PHACTR3: variants seen among roughly 807,000 people sequenced by gnomAD.
The protein encoded by PHACTR3 is protein phosphatase 1, regulatory subunit 123.
In PHACTR3, 16 loss-of-function variants were observed where a neutral mutation model predicts 66.8. The ratio of observed to expected loss-of-function variants is 0.24; its 90% CI spans 0.16 to 0.36. The LOEUF (loss-of-function observed/expected upper bound fraction) is 0.36. PHACTR3 is among the 10% of genes least tolerant of loss of function. The pLI, the probability that PHACTR3 is intolerant of heterozygous loss-of-function variation, is 1.00. For synonymous variants in PHACTR3, 323 were observed against 292.1 expected (o/e 1.11, Z -1.08); for missense variants, 647 against 719.9 (o/e 0.90, Z 1.16).
intron 1 of PHACTR3, among the ~76,000 whole-genome samples, chr20:59,710,485 G>A (rs1409201248): frequency 3.9e-5 from 6 of 152,190 alleles, no homozygotes; most frequent in African/African-American, 1.2e-4. Context: ...GACCACAGCA[G>A]CGAGTTCACT....
chr20:59,577,706 T>G, intron 1 of PHACTR3: 1 of 901,628 alleles, frequency 1.1e-6, no homozygotes, highest in Non-Finnish European at 1.4e-6. Context: ...TCCTCCTGAA[T>G]CCCTTGCCCT....
intron 8 of PHACTR3, among the ~76,000 whole-genome samples, chr20:59,826,873 C>G (rs1373031673): frequency 1.3e-5 from 2 of 152,202 alleles, no homozygotes; most frequent in Non-Finnish European, 2.9e-5. Flanking sequence ...TCTGCGTTAC[C>G]TTGACTGTGA....
intron 1 of PHACTR3, among the ~76,000 whole-genome samples, chr20:59,715,384 C>T (rs1463274078): frequency 2.0e-5 from 3 of 152,106 alleles, no homozygotes; most frequent in Non-Finnish European, 4.4e-5. Flanking sequence ...GGAAGTGATC[C>T]TATAACTTTT....
intron 8 of PHACTR3, among the ~76,000 whole-genome samples, chr20:59,814,408 A>G (rs1284291431): frequency 6.6e-6 from 1 of 152,170 alleles, no homozygotes; most frequent in Non-Finnish European, 1.5e-5. Flanking sequence ...GAAGGCAGGC[A>G]GACACAGGGG....
chr20:59,602,873 C>A (rs2033519921), upstream of PHACTR3, among the ~76,000 whole-genome samples: 1 of 152,220 alleles, frequency 6.6e-6, no homozygotes, highest in Non-Finnish European at 1.5e-5. Flanking sequence ...TGAAGACCCA[C>A]TTGGAGAGAC....
chr20:59,740,948 G>A (rs915158079), intron 1 of PHACTR3, among the ~76,000 whole-genome samples: 6 of 152,230 alleles, frequency 3.9e-5, no homozygotes, highest in Non-Finnish European at 7.3e-5. Context: ...CCAGTGGCAT[G>A]CATGGGTGCC....
Position 59,829,451 on chromosome 20 carries a change from G to T in PHACTR3, c.1329-7054G>T, listed in dbSNP as rs2042284403. Among the ~76,000 whole-genome samples the T allele has an allele frequency of 6.6e-6, 1 of 152,176 alleles. No homozygotes were observed. Among genetic ancestry groups the T allele is most frequent in the Admixed American group, 6.5e-5 (1 of 15,288 alleles). On this transcript the variant is annotated intron_variant, in intron 8 of 12. Transcript: ENST00000371015. The surrounding 1 kb of genome is among the most constrained non-coding windows in gnomAD (Gnocchi z 4.2). ...ACTTCTCTCCAGACACACCCACATT[G>T]CTCTGACGCTCTGAGACATAGGGTC...
chr20:59,646,219 G>T (rs1000772383), intron 1 of PHACTR3, among the ~76,000 whole-genome samples: 1 of 152,310 alleles, frequency 6.6e-6, no homozygotes, highest in South Asian at 2.1e-4. Flanking sequence ...CTGGGGCCCT[G>T]GGTAAATGTC....
chr20:59,634,681 G>A (rs900846951), intron 1 of PHACTR3, among the ~76,000 whole-genome samples: 2 of 152,150 alleles, frequency 1.3e-5, no homozygotes, highest in Non-Finnish European at 2.9e-5. Flanking sequence ...AGCCTCCTGT[G>A]CTTTTATCTT....
intron 2 of PHACTR3, among the ~76,000 whole-genome samples, chr20:59,745,641 A>G (rs1254984061): frequency 1.3e-5 from 2 of 152,228 alleles, no homozygotes; most frequent in Non-Finnish European, 2.9e-5. Flanking sequence ...GTGAATGCAA[A>G]GATGATTGAA....
chr20:59,758,520 G>A (rs561038330), intron 4 of PHACTR3, among the ~76,000 whole-genome samples: 1 of 152,176 alleles, frequency 6.6e-6, no homozygotes, highest in South Asian at 2.1e-4. Context: ...GATGCAGCTG[G>A]CTTATTAGCA....
At position 59,700,743 on chromosome 20, in the gene PHACTR3, C is replaced by T. The variant is rs145445936; in HGVS notation, c.119-42364C>T. Among the ~76,000 whole-genome samples the T allele has an allele frequency of 3.3e-3, 500 of 152,242 alleles. 6 individuals carry two copies. Among genetic ancestry groups the T allele is most frequent in the Admixed American group, 8.3e-3 (127 of 15,288 alleles). Reference sequence around the variant, plus strand: ...TGAGTGATGAGTGCATGGTAGTTCACGTTTCCATGCTCTGTACTTTTGTAG... The same window carrying T: ...TGAGTGATGAGTGCATGGTAGTTCATGTTTCCATGCTCTGTACTTTTGTAG... On this transcript the variant is annotated intron_variant, in intron 1 of 12. Transcript: ENST00000371015.
chr20:59,803,933 C>G (rs752720272), intron 7 of PHACTR3, among the ~76,000 whole-genome samples: 24 of 152,142 alleles, frequency 1.6e-4, no homozygotes, highest in Non-Finnish European at 2.9e-4. Flanking sequence ...GAAAGCTCTC[C>G]GTCCGTCCCT....
intron 1 of PHACTR3, among the ~76,000 whole-genome samples, chr20:59,722,901 T>C (rs2038376361): frequency 6.6e-6 from 1 of 152,036 alleles, no homozygotes; most frequent in Admixed American, 6.5e-5. Flanking sequence ...TCCCACGTGC[T>C]ATCAGATGGA....
At chr20:59,699,620 A>G (rs2037422587) in intron 1 of PHACTR3, among the ~76,000 whole-genome samples, 1 of 152,204 alleles carries the variant, frequency 6.6e-6, no homozygotes. Flanking sequence ...GAAAAGGTGC[A>G]CACTGCCATC....
At chr20:59,709,031 TC>T (rs2146638663) in intron 1 of PHACTR3, among the ~76,000 whole-genome samples, 1 of 152,316 alleles carries the variant, frequency 6.6e-6, no homozygotes, top group African/African-American at 2.4e-5. Flanking sequence ...TTTTTGGTTA[TC>T]CTTGCTGGCG....
chr20:59,624,124 C>G (rs1457722469), intron 1 of PHACTR3, among the ~76,000 whole-genome samples: 2 of 152,104 alleles, frequency 1.3e-5, no homozygotes, highest in African/African-American at 4.8e-5. Context: ...TAGAGGGTGG[C>G]TTTCTTCGAT....
intron 1 of PHACTR3, among the ~76,000 whole-genome samples, chr20:59,582,693 G>C (rs1191307677): frequency 6.6e-6 from 1 of 152,070 alleles, no homozygotes; most frequent in East Asian, 1.9e-4. Flanking sequence ...TATGTGACTT[G>C]GCCATTTGGA....
At position 59,802,491 on chromosome 20, in the gene PHACTR3, G is replaced by A. The variant is rs1467849606; in HGVS notation, c.1175-3550G>A. Among the ~76,000 whole-genome samples the A allele has an allele frequency of 2.0e-5, 3 of 152,204 alleles. No individual in the cohort carries two copies. The East Asian group carries it at 5.8e-4, about 29-fold the overall frequency. Reference sequence around the variant, plus strand: ...TGACCGATGGTGTCCATGCTTCTGTGTGCTTGAGTACAGAGTCTGGGATTC... The same window carrying A: ...TGACCGATGGTGTCCATGCTTCTGTATGCTTGAGTACAGAGTCTGGGATTC... On this transcript the variant is annotated intron_variant, in intron 7 of 12. Transcript: ENST00000371015.
Sources: allele counts gnomAD v4.1 joint callset (sites outside exome capture counted in the v4.1 genomes callset), GRCh38; gene constraint gnomAD v4.1.1; non-coding constraint Gnocchi (gnomAD v3.1); transcripts MANE v1.5; gene names NCBI Gene and HGNC (gene_info 2026-07-23, HGNC 2026-07-21).